Variants in BMPR1B observed in about 807,000 individuals in gnomAD.
BMPR1B encodes bone morphogenetic protein receptor type 1B, also known as bone morphogenetic protein receptor type-1B.
Under a neutral mutation model 59.1 loss-of-function variants are expected in BMPR1B, and 12 were observed. The ratio of observed to expected loss-of-function variants is 0.20; its 90% CI spans 0.13 to 0.33. The LOEUF is 0.33. BMPR1B is among the 10% of genes least tolerant of loss of function. BMPR1B has a pLI of 1.00. For missense variants in BMPR1B, 550 were observed against 610.9 expected, an observed-to-expected ratio of 0.90 and a Z score of 1.05; for synonymous variants, 237 against 207.3, an observed-to-expected ratio of 1.14 and a Z score of -1.23.
intron 6 of BMPR1B, among the ~76,000 whole-genome samples, chr4:95,118,367 T>G (rs889606955): frequency 6.6e-6 from 1 of 152,202 alleles, no homozygotes; most frequent in Admixed American, 6.5e-5. Flanking sequence ...TTATTGAAAT[T>G]GTACTAGATA....
At chr4:94,830,181 CTA>C (rs1018600991) in intron 1 of BMPR1B, among the ~76,000 whole-genome samples, 7 of 151,896 alleles carry the variant, frequency 4.6e-5, no homozygotes, top group Non-Finnish European at 1.0e-4. Flanking sequence ...AAATAATAAA[CTA>C]TTTTTTGGAC....
intron 3 of BMPR1B, among the ~76,000 whole-genome samples, chr4:95,041,827 A>AT (rs1051993688): frequency 2.0e-4 from 31 of 152,096 alleles, no homozygotes; most frequent in African/African-American, 7.2e-4. Context: ...GAGCATCCCT[A>AT]ATCCAAAATC....
intron 1 of BMPR1B, among the ~76,000 whole-genome samples, chr4:94,841,773 T>G (rs538209370): frequency 1.6e-4 from 24 of 152,174 alleles, no homozygotes; most frequent in Non-Finnish European, 2.6e-4. Flanking sequence ...TCGGCCATCT[T>G]GGCTCCTCCC....
intron 3 of BMPR1B, among the ~76,000 whole-genome samples, chr4:95,045,483 A>G (rs900847531): frequency 1.3e-5 from 2 of 152,180 alleles, no homozygotes; most frequent in African/African-American, 4.8e-5. Context: ...CTCTCTAGGC[A>G]TATCGAGCTT....
chr4:94,896,234 C>T (rs1242142517), intron 2 of BMPR1B, among the ~76,000 whole-genome samples: 1 of 151,838 alleles, frequency 6.6e-6, no homozygotes, highest in Non-Finnish European at 1.5e-5. Context: ...TGTAACTTCT[C>T]AAATTAGTCA....
intron 3 of BMPR1B, among the ~76,000 whole-genome samples, chr4:95,082,895 G>A (rs1227749004): frequency 1.3e-5 from 2 of 151,716 alleles, no homozygotes; most frequent in South Asian, 2.1e-4. Flanking sequence ...AAAATTAGCC[G>A]GGTGTGGTGG....
rs1729842128 is a variant in BMPR1B, at chr4:94,949,347, T to C, written c.-112-46693T>C. ...TTTTTTGAGACGGAGTCTCGCTCTGTCGCCCAGGCCGGACTGCGGACTGCA... is the reference window on the plus strand; with the variant it reads ...TTTTTTGAGACGGAGTCTCGCTCTGCCGCCCAGGCCGGACTGCGGACTGCA... On this transcript the variant is annotated intron_variant, in intron 2 of 12. Transcript: ENST00000515059. Among the ~76,000 whole-genome samples the C allele has an allele frequency of 3.8e-5, 2 of 52,218 alleles. 1 individual carries two copies. The highest frequency in any genetic ancestry group is 8.3e-5 in the Non-Finnish European group (2 of 23,958). 34.3% of individuals were successfully genotyped at this position (52,218 alleles called of 152,430 possible). A position where few individuals can be genotyped will look rare whatever the true frequency, so the allele number is the denominator to read the frequency against.
Position 95,087,543 on chromosome 4 carries a change from C to T in BMPR1B, c.-17-16865C>T, listed in dbSNP as rs574017241. Among the ~76,000 whole-genome samples, 272 of 152,090 alleles carry T rather than the reference C, an allele frequency of 1.8e-3. 1 individual carries two copies. The highest frequency in any genetic ancestry group is 6.4e-3 in the African/African-American group (265 of 41,532). ...TCCAGGAGTTCAAGACCTGCCTGGA[C>T]AACATGGCGAAATGCCGTCTCTACA... On this transcript the variant is annotated intron_variant, in intron 3 of 12. Coordinates refer to ENST00000515059, the MANE Select transcript of BMPR1B (RefSeq NM_001203.3).
At chr4:94,804,039 C>G (rs574006787) in intron 1 of BMPR1B, among the ~76,000 whole-genome samples, 1 of 151,882 alleles carries the variant, frequency 6.6e-6, no homozygotes, top group Non-Finnish European at 1.5e-5. Flanking sequence ...CCACCACGCC[C>G]GGCTAATTTT....
intron 1 of BMPR1B, among the ~76,000 whole-genome samples, chr4:94,850,955 A>G (rs893733566): frequency 1.3e-4 from 20 of 152,204 alleles, no homozygotes; most frequent in African/African-American, 4.1e-4. Flanking sequence ...AATGACTGGC[A>G]TGTGCCCTGT....
At chr4:94,797,359 C>A (rs1487947985) in intron 1 of BMPR1B, among the ~76,000 whole-genome samples, 3 of 151,998 alleles carry the variant, frequency 2.0e-5, no homozygotes, top group Non-Finnish European at 4.4e-5. Flanking sequence ...TAACTTAGTT[C>A]AAATAATTAT....
intron 2 of BMPR1B, among the ~76,000 whole-genome samples, chr4:94,889,412 G>T (rs1294718603): frequency 6.6e-6 from 1 of 152,062 alleles, no homozygotes; most frequent in Non-Finnish European, 1.5e-5. Context: ...AGAAACGGAT[G>T]CTCTAATTGA....
At position 95,122,516 on chromosome 4, in the gene BMPR1B, GA is replaced by G. The variant is rs570452876; in HGVS notation, c.350-1287del. Among the ~76,000 whole-genome samples, 7 of 152,024 alleles carry G rather than the reference GA, an allele frequency of 4.6e-5. No homozygotes were observed. The South Asian group carries it at 8.3e-4, about 18-fold the overall frequency. ...GTGTCAATATAAAAATCCTGTTGCAGAAAAAAATATTTGTTGTTCTGGAAAA... is the reference window on the plus strand; with the variant it reads ...GTGTCAATATAAAAATCCTGTTGCAGAAAAAATATTTGTTGTTCTGGAAAA... On this transcript the variant is annotated intron_variant, in intron 6 of 12. Coordinates refer to ENST00000515059, the MANE Select transcript of BMPR1B (RefSeq NM_001203.3).
intron 1 of BMPR1B, among the ~76,000 whole-genome samples, chr4:94,799,773 C>T (rs1248725465): frequency 6.6e-6 from 1 of 152,040 alleles, no homozygotes; most frequent in Non-Finnish European, 1.5e-5. Context: ...TCACTGCAAC[C>T]TGTGCCTCCT....
chr4:95,015,844 C>T (rs1328769065), intron 3 of BMPR1B, among the ~76,000 whole-genome samples: 2 of 152,174 alleles, frequency 1.3e-5, no homozygotes, highest in African/African-American at 4.8e-5. Context: ...AGGCACATGC[C>T]ACCACGCCCA....
intron 3 of BMPR1B, among the ~76,000 whole-genome samples, chr4:95,016,694 T>G (rs1723610993): frequency 6.6e-6 from 1 of 152,192 alleles, no homozygotes; most frequent in African/African-American, 2.4e-5. Context: ...TCCTGACTTT[T>G]GCGGGGTCCA....
intron 1 of BMPR1B, among the ~76,000 whole-genome samples, chr4:94,805,168 C>G (rs1723560149): frequency 6.6e-6 from 1 of 152,080 alleles, no homozygotes; most frequent in South Asian, 2.1e-4. Context: ...TCTATATATA[C>G]CATATTTAGA....
intron 3 of BMPR1B, among the ~76,000 whole-genome samples, chr4:95,070,667 A>G (rs1728212076): frequency 1.3e-5 from 2 of 152,174 alleles, no homozygotes; most frequent in African/African-American, 2.4e-5. Context: ...TGGCCTTACA[A>G]AAAAACAAAC....
At chr4:94,988,113 T>A (rs1194967015) in intron 2 of BMPR1B, among the ~76,000 whole-genome samples, 2 of 152,146 alleles carry the variant, frequency 1.3e-5, no homozygotes, top group Non-Finnish European at 1.5e-5. Flanking sequence ...TTTTAAGAAC[T>A]GCAGCCTTTT....
Sources: gnomAD v4.1 joint callset for allele counts (sites outside exome capture counted in the v4.1 genomes callset) on GRCh38, gnomAD v4.1.1 for gene constraint, MANE v1.5 for transcripts, NCBI Gene and HGNC (gene_info 2026-07-23, HGNC 2026-07-21) for gene names.